RFTN1: variants seen among roughly 807,000 people sequenced by gnomAD.
RFTN1 encodes the protein raftlin, lipid raft linker 1.
A neutral mutation model predicts 46.5 loss-of-function variants in RFTN1; 26 were observed. The observed-to-expected ratio is 0.56, with a 90% confidence interval of 0.41 to 0.78. RFTN1 has a LOEUF of 0.78. Among genes scored for constraint, RFTN1 ranks in the 30% least tolerant of loss-of-function variants. The pLI is 0.00. For synonymous variants in RFTN1, 261 were observed against 284.2 expected (o/e 0.92, Z 0.82); for missense variants, 693 against 718.7 (o/e 0.96, Z 0.41).
rs2075963690 is a variant in RFTN1 at position 16,459,119 on chromosome 3, G to C, written c.146-25082C>G. On this transcript the variant is annotated intron_variant, in intron 2 of 9. Coordinates refer to ENST00000334133, the MANE Select transcript of RFTN1 (RefSeq NM_015150.2). This position sits in a 1 kb window ranked among gnomAD's most constrained non-coding sequence, Gnocchi z 4.2. The stretch of plus-strand genomic sequence containing the variant: ...GCTAATTTTTTGTATTTTTTGTAGA[G>C]ATGAGGTTTCGCTGTTGCTCAGGCT... 1.3e-5 allele frequency among the ~76,000 whole-genome samples: 2 copies of C among 152,168 alleles called. No homozygotes were observed. The highest frequency in any genetic ancestry group is 4.2e-4 in the South Asian group (2 of 4,812).
chr3:16,504,925 C>T lies in RFTN1; in HGVS notation c.-9+8517G>A, dbSNP rs1267050383. ...CTGCATTTCTCGTCTCTGGGTGGTA[C>T]CACTGCCCTCCCAACATCCAGGCCC... is the stretch of plus-strand genomic sequence containing the variant. On this transcript the variant is annotated intron_variant, in intron 1 of 9. Transcript: ENST00000334133. This position sits in a 1 kb window ranked among gnomAD's most constrained non-coding sequence, Gnocchi z 4.4. Among the ~76,000 whole-genome samples the T allele has an allele frequency of 6.6e-6, 1 of 152,160 alleles. No individual in the cohort carries two copies. The highest frequency in any genetic ancestry group is 2.4e-5 in the African/African-American group (1 of 41,414).
chr3:16,347,474 A>G (rs690248), intron 7 of RFTN1: 110,416 of 152,164 alleles, frequency 0.73, 40,160 homozygotes, highest in Non-Finnish European at 0.75. Context: ...GTTTTTTTCC[A>G]GCACTAGTGG....
chr3:16,358,203 A>G (rs2072585203), intron 6 of RFTN1, among the ~76,000 whole-genome samples, 156 bp from the exon 7 acceptor site: 1 of 152,182 alleles, frequency 6.6e-6, no homozygotes, highest in Non-Finnish European at 1.5e-5. Context: ...CAAGCCATAG[A>G]GTCTATCTAG....
At chr3:16,486,711 A>T (rs2076453047) in intron 2 of RFTN1, among the ~76,000 whole-genome samples, 1 of 152,238 alleles carries the variant, frequency 6.6e-6, no homozygotes, top group South Asian at 2.1e-4. Flanking sequence ...TTACTCTAGC[A>T]TCAAGTACTG....
chr3:16,326,911 G>C (rs2069758262), intron 7 of RFTN1, 35 bp from the exon 8 acceptor site: 1 of 1,534,540 alleles, frequency 6.5e-7, no homozygotes, highest in Non-Finnish European at 9.0e-7. Context: ...GGCTGCTGCT[G>C]CCACAAGCCA....
At chr3:16,502,689 G>A (rs201793581) in intron 1 of RFTN1, among the ~76,000 whole-genome samples, 5 of 152,230 alleles carry the variant, frequency 3.3e-5, no homozygotes, top group Admixed American at 1.3e-4. Flanking sequence ...GCAGGGCAAC[G>A]AGGCCTCCTG....
Position 16,345,817 on chromosome 3 carries a change from TGCGCGCGCGCGTGC to T in RFTN1, c.1146+12101_1146+12114del, listed in dbSNP as rs1479243406. ...GTGTGTGTGTGTGTGTGTGTGTGTG[TGCGCGCGCGCGTGC>T]GCGCACGCGCACATGTGCATGTGTA... On this transcript the variant is annotated intron_variant, in intron 7 of 9. Transcript: ENST00000334133. The surrounding 1 kb of genome is among the most constrained non-coding windows in gnomAD (Gnocchi z 5.2). Among the ~76,000 whole-genome samples the T allele has an allele frequency of 2.7e-5, 2 of 74,618 alleles. No homozygotes were observed. The highest frequency in any genetic ancestry group is 2.4e-4 in the Admixed American group (2 of 8,364). 49.0% of individuals were successfully genotyped at this position (74,618 alleles called of 152,430 possible).
At chr3:16,331,801 G>A (rs1031990799) in intron 7 of RFTN1, among the ~76,000 whole-genome samples, 5 of 152,138 alleles carry the variant, frequency 3.3e-5, no homozygotes, top group Admixed American at 1.3e-4. Flanking sequence ...AGCACATCCT[G>A]TAGTGACTCT....
intron 1 of RFTN1, among the ~76,000 whole-genome samples, chr3:16,494,442 C>T (rs1002520219): frequency 6.6e-6 from 1 of 152,100 alleles, no homozygotes; most frequent in African/African-American, 2.4e-5. Flanking sequence ...GTCTGAAAGT[C>T]CCCTTTTTCT....
At chr3:16,406,334 G>C (rs553426060) in intron 4 of RFTN1, among the ~76,000 whole-genome samples, 1 of 152,232 alleles carries the variant, frequency 6.6e-6, no homozygotes, top group Non-Finnish European at 1.5e-5. Context: ...AGCCAGCAAT[G>C]ACAGCGAGAA....
rs1324085314 is a variant in RFTN1 at position 16,335,153 on chromosome 3, T to C, written c.1147-8277A>G. ...TTAAGTCACTAAATCTGTGATTTGTTGCCGCAGCAACAGGAAATTAATCCA... is the reference window on the plus strand; with the variant it reads ...TTAAGTCACTAAATCTGTGATTTGTCGCCGCAGCAACAGGAAATTAATCCA... On this transcript the variant is annotated intron_variant, in intron 7 of 9. Coordinates refer to ENST00000334133, the MANE Select transcript of RFTN1 (RefSeq NM_015150.2). This position sits in a 1 kb window ranked among gnomAD's most constrained non-coding sequence, Gnocchi z 4.7. 6.6e-6 allele frequency among the ~76,000 whole-genome samples: 1 copy of C among 152,238 alleles called. No individual in the cohort carries two copies. Among genetic ancestry groups the C allele is most frequent in the Admixed American group, 6.5e-5 (1 of 15,286 alleles).
intron 1 of RFTN1, among the ~76,000 whole-genome samples, chr3:16,501,646 C>A (rs2076712248): frequency 6.6e-6 from 1 of 152,216 alleles, no homozygotes; most frequent in Non-Finnish European, 1.5e-5. Flanking sequence ...TATCTCTACA[C>A]TCAAATTCTG....
rs1438492527 is a variant in RFTN1, at chr3:16,351,550, A to C, written c.1146+6382T>G. Among the ~76,000 whole-genome samples the C allele has an allele frequency of 6.6e-6, 1 of 152,218 alleles. No homozygotes were observed. Among genetic ancestry groups the C allele is most frequent in the African/African-American group, 2.4e-5 (1 of 41,450 alleles). On this transcript the variant is annotated intron_variant, in intron 7 of 9. Transcript: ENST00000334133. The surrounding 1 kb of genome is among the most constrained non-coding windows in gnomAD (Gnocchi z 5.4). ...AGAGGCTGTAATGATACCCTAAGCC[A>C]TTCTACCTGAGGCTGTACTTGCAGA... is the stretch of plus-strand genomic sequence containing the variant.
intron 6 of RFTN1, among the ~76,000 whole-genome samples, chr3:16,362,157 C>T (rs543364766): frequency 1.3e-5 from 2 of 152,278 alleles, no homozygotes; most frequent in East Asian, 3.9e-4. Context: ...AGGTAATAAG[C>T]ACAGCAGCCT....
intron 2 of RFTN1, among the ~76,000 whole-genome samples, chr3:16,462,995 G>C (rs77744238): frequency 2.0e-5 from 3 of 152,194 alleles, no homozygotes; most frequent in Non-Finnish European, 4.4e-5. Flanking sequence ...ACAAGGGTTC[G>C]GGGAAGGAAA....
rs1036555288 is a variant in RFTN1, at chr3:16,475,007, A to T, written c.145+18718T>A. On this transcript the variant is annotated intron_variant, in intron 2 of 9. Coordinates refer to ENST00000334133, the MANE Select transcript of RFTN1 (RefSeq NM_015150.2). The surrounding 1 kb of genome is among the most constrained non-coding windows in gnomAD (Gnocchi z 4.2). Reference sequence around the variant, plus strand: ...GGGCCTAGTGGGAGGTGTTTGGGTCATAGGGGCGGATCCCTCACGAAAGGC... The same window carrying T: ...GGGCCTAGTGGGAGGTGTTTGGGTCTTAGGGGCGGATCCCTCACGAAAGGC... Among the ~76,000 whole-genome samples, 2 of 152,194 alleles carry T rather than the reference A, an allele frequency of 1.3e-5. No individual in the cohort carries two copies. Among genetic ancestry groups the T allele is most frequent in the African/African-American group, 4.8e-5 (2 of 41,462 alleles).
chr3:16,431,814 A>T (rs1385526210), intron 3 of RFTN1, among the ~76,000 whole-genome samples: 2 of 152,212 alleles, frequency 1.3e-5, no homozygotes, highest in Non-Finnish European at 2.9e-5. Flanking sequence ...TTTATGGAAG[A>T]TCAAAGATAT....
In RFTN1 at chr3:16,348,566, A is replaced by G. The variant is rs2071888430; in HGVS notation, c.1146+9366T>C. Among the ~76,000 whole-genome samples the G allele has an allele frequency of 6.6e-6, 1 of 152,068 alleles. No individual in the cohort carries two copies. The highest frequency in any genetic ancestry group is 2.4e-5 in the African/African-American group (1 of 41,414). On this transcript the variant is annotated intron_variant, in intron 7 of 9. Coordinates refer to ENST00000334133, the MANE Select transcript of RFTN1 (RefSeq NM_015150.2). This position sits in a 1 kb window ranked among gnomAD's most constrained non-coding sequence, Gnocchi z 6.3. ...AGGGCACTTCTGGTCAGCAGGGCAC[A>G]ATTAGCCTTGAATGCCTTCCCATTT...
At position 16,446,615 on chromosome 3, in the gene RFTN1, G is replaced by A. The variant is rs1383771001; in HGVS notation, c.146-12578C>T. ...GGTTGATATGACAACAAAAGCAAAG[G>A]AAGAATGTAAAAATTTCACTTTGTA... On this transcript the variant is annotated intron_variant, in intron 2 of 9. Coordinates refer to ENST00000334133, the MANE Select transcript of RFTN1 (RefSeq NM_015150.2). This position sits in a 1 kb window ranked among gnomAD's most constrained non-coding sequence, Gnocchi z 4.5. 1.3e-5 allele frequency among the ~76,000 whole-genome samples: 2 copies of A among 152,064 alleles called. No individual in the cohort carries two copies. Among genetic ancestry groups the A allele is most frequent in the South Asian group, 4.2e-4 (2 of 4,810 alleles).
Sources: allele counts gnomAD v4.1 joint callset (sites outside exome capture counted in the v4.1 genomes callset), GRCh38; gene constraint gnomAD v4.1.1; non-coding constraint Gnocchi (gnomAD v3.1); transcripts MANE v1.5; gene names NCBI Gene and HGNC (gene_info 2026-07-23, HGNC 2026-07-21).